TUBGCP5: variants seen among roughly 807,000 people sequenced by gnomAD.
The protein encoded by TUBGCP5 is gamma-tubulin complex component 5.
In TUBGCP5, 98 loss-of-function variants were observed where a neutral mutation model predicts 134.7. The ratio of observed to expected loss-of-function variants is 0.73; its 90% CI spans 0.62 to 0.86. The LOEUF is 0.86. TUBGCP5 is among the 40% of genes least tolerant of loss of function. TUBGCP5 has a pLI of 0.00. For missense variants in TUBGCP5, 1,150 were observed against 1,244.8 expected (o/e 0.92, Z 1.15); for synonymous variants, 456 against 431.4 (o/e 1.06, Z -0.71).
chr15:23,001,196 CCAT>C (rs1345198558), intron 21 of TUBGCP5, among the ~76,000 whole-genome samples: 3 of 151,976 alleles, frequency 2.0e-5, no homozygotes, highest in African/African-American at 7.3e-5. Context: ...ATGCCCACCA[CCAT>C]GTCTGGCTAA....
chr15:23,011,435 ATC>A (rs1371573289), intron 13 of TUBGCP5, 104 bp from the exon 14 acceptor site: 2 of 384,328 alleles, frequency 5.2e-6, no homozygotes, highest in Non-Finnish European at 9.0e-6. Context: ...AAGTAACAAA[ATC>A]TATATATTTA....
intron 6 of TUBGCP5, among the ~76,000 whole-genome samples, chr15:23,028,379 TAAAAAAAAAAA>T (rs762310901): frequency 7.7e-5 from 7 of 91,050 alleles, no homozygotes; most frequent in Middle Eastern, 8.3e-3. Flanking sequence ...GGCCCGGTCT[TAAAAAAAAAAA>T]AAAAAAAAAA....
At chr15:23,031,777 C>A (rs1286540061) in intron 5 of TUBGCP5, among the ~76,000 whole-genome samples, 173 bp downstream of exon 5, 1 of 152,084 alleles carries the variant, frequency 6.6e-6, no homozygotes, top group African/African-American at 2.4e-5. Context: ...TAACTTCTTA[C>A]CACTAATGAT....
At chr15:23,024,651 T>G (rs546691292) in intron 9 of TUBGCP5, 86 bp downstream of exon 9, 2 of 767,086 alleles carry the variant, frequency 2.6e-6, no homozygotes, top group East Asian at 3.1e-5. Flanking sequence ...TCAATAGCAA[T>G]TTTAATATTG....
At chr15:23,005,123 T>C (rs1237797753) in intron 19 of TUBGCP5, among the ~76,000 whole-genome samples, 1 of 152,214 alleles carries the variant, frequency 6.6e-6, no homozygotes, top group East Asian at 1.9e-4. Flanking sequence ...TAGGGACAGC[T>C]GTCACCACTA....
downstream of TUBGCP5, among the ~76,000 whole-genome samples, chr15:22,996,119 T>C (rs2064067134): frequency 6.6e-6 from 1 of 152,222 alleles, no homozygotes; most frequent in African/African-American, 2.4e-5. Flanking sequence ...CTTGGATAAA[T>C]ACCTAAGGGT....
At chr15:23,007,552 C>T (rs999829887) in intron 16 of TUBGCP5, among the ~76,000 whole-genome samples, 1 of 152,036 alleles carries the variant, frequency 6.6e-6, no homozygotes, top group Admixed American at 6.6e-5. Context: ...GTGCAGCACA[C>T]GAAGACAAGG....
chr15:23,037,049 A>G (rs759385388), intron 2 of TUBGCP5, 44 bp from the exon 3 acceptor site: 3 of 1,596,456 alleles, frequency 1.9e-6, no homozygotes, highest in Non-Finnish European at 2.6e-6. Context: ...AAAAAGATCT[A>G]TAAGAAAATA....
intron 19 of TUBGCP5, 131 bp from the exon 20 acceptor site, chr15:23,004,358 T>G (rs1454212139): frequency 1.8e-6 from 2 of 1,084,164 alleles, no homozygotes; most frequent in Non-Finnish European, 2.6e-6. Flanking sequence ...CTAGACAGTT[T>G]CATAAAGTAC....
chr15:23,002,247 C>G (rs1338281180), intron 21 of TUBGCP5, among the ~76,000 whole-genome samples: 1 of 152,138 alleles, frequency 6.6e-6, no homozygotes, highest in East Asian at 1.9e-4. Flanking sequence ...GCTTCATCTA[C>G]TACCTTAGTT....
intron 7 of TUBGCP5, 108 bp downstream of exon 7, chr15:23,027,084 A>T (rs2066023493): frequency 2.2e-6 from 2 of 890,526 alleles, no homozygotes; most frequent in Non-Finnish European, 3.4e-6. Flanking sequence ...GTCAAAACAA[A>T]AACAAGTTTA....
chr15:22,991,577 G>GT (rs1670716462), intron 23 of TUBGCP5, among the ~76,000 whole-genome samples: 1 of 152,028 alleles, frequency 6.6e-6, no homozygotes, highest in African/African-American at 2.4e-5. Flanking sequence ...TGGCTCACAC[G>GT]TGTTGTGGGT....
chr15:23,003,549 A>C (rs918932267), intron 20 of TUBGCP5, among the ~76,000 whole-genome samples: 4 of 151,934 alleles, frequency 2.6e-5, no homozygotes, highest in African/African-American at 7.3e-5. Context: ...TCCAAGAGTA[A>C]CGCAGAGTGA....
Position 23,011,211 on chromosome 15 carries a change from A to T in TUBGCP5, c.1877T>A (p.Met626Lys), listed in dbSNP as rs757986700. The T allele has an allele frequency of 6.2e-7, 1 of 1,613,992 alleles. No homozygotes were observed. The highest frequency in any genetic ancestry group is 1.1e-5 in the South Asian group (1 of 91,080). ...TEQQATKENL[M>K]KMQSIAESHL... ...GCTTTCAGCAATGGACTGCATCTTC[A>T]TCAGGTTCTCCTTGGTTGCCTGTTG... The change falls in exon 14 of 23, where the codon ATG (methionine) becomes AAG (lysine). Residue 626 changes from methionine (M) to lysine (K), a missense_variant. Met to Lys is a moderately conservative substitution (Grantham distance 95). This residue lies in a region of TUBGCP5 where 697 missense variants were observed against 850.1 expected (regional missense o/e 0.82). Transcript: ENST00000615383.
At chr15:22,999,936 G>A (rs549542762) in intron 22 of TUBGCP5, 70 bp from the exon 23 acceptor site, 12 of 1,412,518 alleles carry the variant, frequency 8.5e-6, no homozygotes, top group Middle Eastern at 1.8e-4. Context: ...TTTTGAAGAC[G>A]GAGTCCCACT....
intron 15 of TUBGCP5, among the ~76,000 whole-genome samples, chr15:23,009,515 A>G (rs12592818): frequency 0.13 from 20,480 of 151,832 alleles, 1,820 homozygotes; most frequent in East Asian, 0.46. Flanking sequence ...TGATCCTCCC[A>G]CCTCAGCCTC....
chr15:23,016,986 A>ATATATATATATG (rs373904143), intron 13 of TUBGCP5, among the ~76,000 whole-genome samples: 19 of 138,302 alleles, frequency 1.4e-4, no homozygotes, highest in Admixed American at 4.2e-4. Context: ...ATATATATAT[A>ATATATATATATG]TGTATATATC....
chr15:23,018,000 G>A lies in TUBGCP5; in HGVS notation c.1529C>T (p.Ala510Val). The change falls in exon 13 of 23, where the codon GCA becomes GTA. Residue 510 changes from alanine (A) to valine (V), a missense_variant. Coordinates refer to ENST00000615383, the MANE Select transcript of TUBGCP5 (RefSeq NM_052903.6). ...VPVNHRDFWY[A>V]TYTLYSVSEK... ...TGATACGCTATATAACGTGTAAGTT[G>A]CATACCAGAAGTCTCTGTGATTAAC... 6.2e-7 allele frequency: 1 copy of A among 1,613,684 alleles called. No individual in the cohort carries two copies. Among genetic ancestry groups the A allele is most frequent in the African/African-American group, 1.3e-5 (1 of 75,026 alleles).
At position 23,024,165 on chromosome 15, in the gene TUBGCP5, A is replaced by G; in HGVS notation, c.950T>C (p.Ile317Thr). 1 of 1,614,152 alleles carries G rather than the reference A, an allele frequency of 6.2e-7. No individual in the cohort carries two copies. Among genetic ancestry groups the G allele is most frequent in the Non-Finnish European group, 8.5e-7 (1 of 1,180,014 alleles). The part of the protein sequence containing the change: ...HSCLRSVLEQ[I>T]AAYGQVVFRL... ...AAACACAACCTGGCCATATGCTGCT[A>G]TTTGTTCCAGCACAGATCGTAAACA... Residue 317 changes from isoleucine (I) to threonine (T), a missense_variant, in exon 10 of 23, where the codon ATA (isoleucine) becomes ACA (threonine). Transcript: ENST00000615383.
Sources: gnomAD v4.1 joint callset for allele counts (sites outside exome capture counted in the v4.1 genomes callset) on GRCh38, gnomAD v4.1.1 for gene constraint, gnomAD v4.1.1 regional missense constraint, MANE v1.5 for transcripts, NCBI Gene and HGNC (gene_info 2026-07-23, HGNC 2026-07-21) for gene names.